The following ARMC3 variants were observed in gnomAD, a reference collection of about 807,000 sequenced individuals.
ARMC3 encodes armadillo repeat containing 3.
Under a neutral mutation model 90.3 loss-of-function variants are expected in ARMC3, and 74 were observed. The ratio of observed to expected loss-of-function variants is 0.82; its 90% CI spans 0.68 to 0.99. The LOEUF is 0.99. Ranked by LOEUF, ARMC3 falls within the 50% of genes least tolerant of loss-of-function variation. The probability of loss-of-function intolerance (pLI) is 0.00; values close to 1 mark genes in which losing one functional copy is unlikely to be tolerated. For missense variants in ARMC3, 958 were observed against 1,042.8 expected (o/e 0.92, Z 1.12); for synonymous variants, 334 against 361.8 (o/e 0.92, Z 0.87).
intron 3 of ARMC3, among the ~76,000 whole-genome samples, chr10:22,949,607 A>C (rs1449408541): frequency 6.6e-6 from 1 of 152,222 alleles, no homozygotes; most frequent in Non-Finnish European, 1.5e-5. Flanking sequence ...CAGAGATTCA[A>C]TGAGGTATGA....
intron 4 of ARMC3, among the ~76,000 whole-genome samples, chr10:22,957,178 C>G (rs1354251061): frequency 6.6e-6 from 1 of 152,174 alleles, no homozygotes; most frequent in Non-Finnish European, 1.5e-5. Context: ...CCTAGTCTTC[C>G]TGCCCATCCA....
At chr10:22,989,872 G>A (rs1836627785) in intron 10 of ARMC3, among the ~76,000 whole-genome samples, 1 of 152,182 alleles carries the variant, frequency 6.6e-6, no homozygotes, top group Admixed American at 6.5e-5. Context: ...TTGGAAAACA[G>A]AGAATGAAAA....
At chr10:22,958,362 A>G (rs1835040378) in intron 4 of ARMC3, among the ~76,000 whole-genome samples, 1 of 152,210 alleles carries the variant, frequency 6.6e-6, no homozygotes, top group South Asian at 2.1e-4. Context: ...TAGGCTGGGT[A>G]ATCTTACTTG....
At chr10:23,014,630 G>A (rs755110927) in intron 16 of ARMC3, 5 of 445,342 alleles carry the variant, frequency 1.1e-5, no homozygotes, top group Non-Finnish European at 1.5e-5. Flanking sequence ...ACAAAAAAGA[G>A]TGAGATCATG....
Position 23,001,995 on chromosome 10 carries a change from G to T in ARMC3, c.1502G>T (p.Ser501Ile). The T allele has an allele frequency of 1.2e-6, 2 of 1,613,944 alleles. No individual in the cohort carries two copies. The highest frequency in any genetic ancestry group is 1.1e-5 in the South Asian group (1 of 91,074). The change falls in exon 12 of 19, where the codon AGT becomes ATT. Residue 501 changes from serine to isoleucine, a missense_variant. Coordinates refer to ENST00000298032, the MANE Select transcript of ARMC3 (RefSeq NM_173081.5). Reference sequence around the variant, plus strand: ...AATGATGAAGTGAGGAAGCACGCCAGTTGGGCAGTGATGGTCTGTGCTGGT... The same window carrying T: ...AATGATGAAGTGAGGAAGCACGCCATTTGGGCAGTGATGGTCTGTGCTGGT... ...SKNDEVRKHA[S>I]WAVMVCAGDE...
intron 2 of ARMC3, among the ~76,000 whole-genome samples, chr10:22,935,096 G>A (rs1411028193): frequency 3.3e-5 from 5 of 152,328 alleles, no homozygotes; most frequent in East Asian, 3.9e-4. Flanking sequence ...CCCTGGAATC[G>A]TAATGATTAA....
chr10:23,013,220 A>AAGTC (rs1163260467), intron 16 of ARMC3, among the ~76,000 whole-genome samples: 1 of 152,218 alleles, frequency 6.6e-6, no homozygotes, highest in East Asian at 1.9e-4. Context: ...TTTTAAATGA[A>AAGTC]AGTCAGATCA....
At chr10:22,946,944 G>C (rs953554023) in intron 3 of ARMC3, among the ~76,000 whole-genome samples, 1 of 152,160 alleles carries the variant, frequency 6.6e-6, no homozygotes, top group Non-Finnish European at 1.5e-5. Context: ...TGGATCACTT[G>C]AGCCCAGGAG....
rs1022427791 is a variant in ARMC3, at chr10:22,928,102, G to A, written c.-6G>A. ...AGCTAGCTACTCGGCGGGATCTCCC[G>A]GCAGGTAAAGGTAACCCCGTGGGGT... is the stretch of plus-strand genomic sequence containing the variant. On this transcript the variant is annotated 5_prime_UTR_variant, in exon 1 of 19. Coordinates refer to ENST00000298032, the MANE Select transcript of ARMC3 (RefSeq NM_173081.5). 2.0e-5 allele frequency: 3 copies of A among 152,478 alleles called. No individual in the cohort carries two copies. The highest frequency in any genetic ancestry group is 4.8e-5 in the African/African-American group (2 of 41,472). The allele number at this position is 152,478 out of a possible 1,614,324, so 9.4% of individuals were successfully genotyped here. A position where few individuals can be genotyped will look rare whatever the true frequency, so the allele number is the denominator to read the frequency against.
chr10:23,014,241 C>A, intron 16 of ARMC3: 1 of 1,513,354 alleles, frequency 6.6e-7, no homozygotes, highest in South Asian at 1.2e-5. Flanking sequence ...ATGATCCCTG[C>A]CTCAAAGAGC....
chr10:22,944,709 G>T lies in ARMC3; in HGVS notation c.49-1435G>T, dbSNP rs541979254. ...CTACCCTTTAATACCTAAAGAGGAT[G>T]GTTCTCAAGCCCCAAACCCTAACTA... On this transcript the variant is annotated intron_variant, in intron 2 of 18. Transcript: ENST00000298032. Among the ~76,000 whole-genome samples, 29 of 152,270 alleles carry T rather than the reference G, an allele frequency of 1.9e-4. No homozygotes were observed. The South Asian group carries it at 6.0e-3, about 32-fold the overall frequency.
chr10:23,020,156 T>A (rs923728217), intron 16 of ARMC3, among the ~76,000 whole-genome samples: 9 of 152,086 alleles, frequency 5.9e-5, no homozygotes, highest in Admixed American at 5.9e-4. Context: ...TGAGGCAGAG[T>A]CTCGCTCTGT....
intron 7 of ARMC3, among the ~76,000 whole-genome samples, chr10:22,965,724 GATTA>G (rs1202098981): frequency 6.6e-6 from 1 of 151,886 alleles, no homozygotes; most frequent in Non-Finnish European, 1.5e-5. Context: ...CAATTTTTTA[GATTA>G]AATAACGTCT....
chr10:22,971,647 G>A (rs549186060), intron 8 of ARMC3, among the ~76,000 whole-genome samples: 3 of 152,090 alleles, frequency 2.0e-5, no homozygotes. Context: ...CACCATGTTA[G>A]CCAAGCTGGT....
chr10:22,967,450 C>A (rs1277160258), intron 7 of ARMC3, among the ~76,000 whole-genome samples: 1 of 152,108 alleles, frequency 6.6e-6, no homozygotes, highest in Non-Finnish European at 1.5e-5. Flanking sequence ...ATCCTATAAA[C>A]AACCAAATAT....
chr10:22,968,724 A>G (rs11013215), intron 8 of ARMC3, among the ~76,000 whole-genome samples: 4,517 of 151,626 alleles, frequency 0.03, 213 homozygotes, highest in African/African-American at 0.1. Flanking sequence ...CTAGTCTAGA[A>G]CTCCTGGGCT....
chr10:22,950,553 G>C (rs1358461790), intron 3 of ARMC3, among the ~76,000 whole-genome samples: 1 of 151,910 alleles, frequency 6.6e-6, no homozygotes, highest in Non-Finnish European at 1.5e-5. Flanking sequence ...AGAAAAGAAG[G>C]CTGAATATGA....
At chr10:22,941,921 A>G (rs1449558166) in intron 2 of ARMC3, among the ~76,000 whole-genome samples, 1 of 152,262 alleles carries the variant, frequency 6.6e-6, no homozygotes, top group African/African-American at 2.4e-5. Flanking sequence ...TCATGAATTT[A>G]TAATGATACT....
chr10:23,037,293 T>C lies in ARMC3; in HGVS notation c.2433T>C (p.Ile811=). 1.9e-6 allele frequency: 3 copies of C among 1,602,002 alleles called. No homozygotes were observed. Among genetic ancestry groups the C allele is most frequent in the Non-Finnish European group, 2.6e-6 (3 of 1,171,402 alleles). The change falls in exon 19 of 19, where the codon ATT becomes ATC. Residue 811 remains isoleucine, a synonymous_variant. Coordinates refer to ENST00000298032, the MANE Select transcript of ARMC3 (RefSeq NM_173081.5). The part of the protein sequence containing the change: ...LFKALADRIG[I]GCSLVRGEYG... ...AGGCTCTGGCTGATAGAATTGGCAT[T>C]GGTTGCTCCCTAGTTCGCGGAGAGT...
Sources: gnomAD v4.1 joint callset for allele counts (sites outside exome capture counted in the v4.1 genomes callset) on GRCh38, gnomAD v4.1.1 for gene constraint, MANE v1.5 for transcripts, NCBI Gene and HGNC (gene_info 2026-07-23, HGNC 2026-07-21) for gene names.